Variants in MARCHF3 observed in about 807,000 individuals in gnomAD.
The protein encoded by MARCHF3 is E3 ubiquitin-protein ligase MARCHF3.
MARCHF3 carries 13 observed loss-of-function variants against 24.2 expected under a neutral mutation model. The observed-to-expected ratio is 0.54, with a 90% CI of 0.35 to 0.85. The LOEUF is 0.85. Among genes scored for constraint, MARCHF3 ranks in the 40% least tolerant of loss-of-function variants. The pLI is 0.01. For missense variants in MARCHF3, 276 were observed against 325.0 expected (o/e 0.85, Z 1.16); for synonymous variants, 144 against 137.3 (o/e 1.05, Z -0.34).
intron 3 of MARCHF3, among the ~76,000 whole-genome samples, chr5:126,907,891 A>C (rs966259673): frequency 5.9e-5 from 9 of 151,422 alleles, no homozygotes; most frequent in Admixed American, 5.9e-4. Flanking sequence ...TTTGCTCGTT[A>C]GTTGATGCAG....
intron 3 of MARCHF3, among the ~76,000 whole-genome samples, chr5:126,900,823 T>A (rs1754078488): frequency 6.6e-6 from 1 of 151,786 alleles, no homozygotes; most frequent in Non-Finnish European, 1.5e-5. Flanking sequence ...TGGCTTAGCC[T>A]CTCAAATAGC....
chr5:126,947,023 C>G (rs560616147), intron 1 of MARCHF3, among the ~76,000 whole-genome samples: 1 of 152,202 alleles, frequency 6.6e-6, no homozygotes, highest in African/African-American at 2.4e-5. Context: ...CAAAACATAT[C>G]CAATTTGCCC....
At chr5:126,930,108 G>A (rs1020004270) in intron 1 of MARCHF3, among the ~76,000 whole-genome samples, 31 of 151,778 alleles carry the variant, frequency 2.0e-4, no homozygotes, top group East Asian at 1.2e-3. Context: ...AAAAAAAAAA[G>A]TCAGACCACT....
intron 1 of MARCHF3, among the ~76,000 whole-genome samples, chr5:127,007,390 A>G (rs1344840496): frequency 1.3e-5 from 2 of 151,734 alleles, no homozygotes; most frequent in Admixed American, 1.3e-4. Context: ...CACATATTTA[A>G]TTTAGTAAAG....
chr5:127,013,383 T>G (rs761853540), intron 1 of MARCHF3, among the ~76,000 whole-genome samples: 1 of 152,186 alleles, frequency 6.6e-6, no homozygotes, highest in African/African-American at 2.4e-5. Flanking sequence ...CTACTGTATA[T>G]GAAAACTGCT....
intron 1 of MARCHF3, among the ~76,000 whole-genome samples, chr5:127,015,854 G>A (rs190683969): frequency 3.0e-4 from 45 of 152,194 alleles, no homozygotes; most frequent in Middle Eastern, 3.4e-3. Flanking sequence ...ACTGTGCACC[G>A]TTCTGATGAT....
intron 1 of MARCHF3, among the ~76,000 whole-genome samples, chr5:126,958,958 T>C (rs777939703): frequency 3.9e-5 from 6 of 152,132 alleles, no homozygotes; most frequent in Non-Finnish European, 7.4e-5. Flanking sequence ...TAGTCCACAC[T>C]GCTTTAAATA....
chr5:126,908,292 A>T (rs1754377731), intron 3 of MARCHF3, among the ~76,000 whole-genome samples: 1 of 151,932 alleles, frequency 6.6e-6, no homozygotes, highest in African/African-American at 2.4e-5. Flanking sequence ...TCTGACAATT[A>T]TGTGTCTTGG....
rs186544848 is a variant in MARCHF3 at position 126,887,242 on chromosome 5, A to G, written c.394-8848T>C. 3.4e-3 allele frequency among the ~76,000 whole-genome samples: 510 copies of G among 152,194 alleles called. 2 individuals carry two copies. Among genetic ancestry groups the G allele is most frequent in the African/African-American group, 0.012 (493 of 41,526 alleles). ...ACAGATAGGATTCACAGGATCTATGATTTTGAATGGGAAAAAAAAAATCAC... is the reference window on the plus strand; with the variant it reads ...ACAGATAGGATTCACAGGATCTATGGTTTTGAATGGGAAAAAAAAAATCAC... On this transcript the variant is annotated intron_variant, in intron 3 of 4. Coordinates refer to ENST00000308660, the MANE Select transcript of MARCHF3 (RefSeq NM_178450.5).
chr5:127,003,481 G>A (rs534440129), intron 1 of MARCHF3, among the ~76,000 whole-genome samples: 31 of 151,466 alleles, frequency 2.0e-4, no homozygotes, highest in African/African-American at 5.6e-4. Context: ...GGCCGGCGCG[G>A]TGGCTCACGC....
intron 1 of MARCHF3, among the ~76,000 whole-genome samples, chr5:126,977,082 G>A (rs1177286370): frequency 1.3e-5 from 2 of 152,204 alleles, no homozygotes; most frequent in Admixed American, 1.3e-4. Flanking sequence ...TAATCAGCAC[G>A]TACATGACTG....
chr5:126,959,948 A>G (rs778165639), intron 1 of MARCHF3, among the ~76,000 whole-genome samples: 1 of 152,160 alleles, frequency 6.6e-6, no homozygotes, highest in Non-Finnish European at 1.5e-5. Flanking sequence ...GCACTCAGTT[A>G]TGCTCTAAGA....
rs534875413 is a variant in MARCHF3, at chr5:126,895,621, C to CTCGGGGG, written c.394-17234_394-17228dup. Reference sequence around the variant, plus strand: ...TGGGGGGTGCCTCCCAGTTATGCTGCTCGGGGGTCAGGGGTCAGGGACCCA... The same window carrying CTCGGGGG: ...TGGGGGGTGCCTCCCAGTTATGCTGCTCGGGGGTCGGGGGTCAGGGGTCAGGGACCCA... On this transcript the variant is annotated intron_variant, in intron 3 of 4. Coordinates refer to ENST00000308660, the MANE Select transcript of MARCHF3 (RefSeq NM_178450.5). Among the ~76,000 whole-genome samples, 107 of 152,216 alleles carry CTCGGGGG rather than the reference C, an allele frequency of 7.0e-4. 1 individual carries two copies. In the East Asian group the frequency reaches 0.019, roughly 27 times the overall value.
At chr5:126,896,774 T>C (rs1225537920) in intron 3 of MARCHF3, among the ~76,000 whole-genome samples, 3 of 152,076 alleles carry the variant, frequency 2.0e-5, no homozygotes, top group Non-Finnish European at 4.4e-5. Flanking sequence ...GAGACACTTT[T>C]AGAAAAATCT....
intron 1 of MARCHF3, among the ~76,000 whole-genome samples, chr5:127,025,085 G>A (rs76957092): frequency 0.02 from 3,100 of 152,042 alleles, 75 homozygotes; most frequent in South Asian, 0.12. Flanking sequence ...CCAGCCAAAA[G>A]GAATAAGCCA....
At chr5:126,873,651 TAGC>T (rs1235426374) in intron 4 of MARCHF3, among the ~76,000 whole-genome samples, 1 of 152,228 alleles carries the variant, frequency 6.6e-6, no homozygotes, top group Non-Finnish European at 1.5e-5. Flanking sequence ...GTCAGCGACT[TAGC>T]AGGTCTCCTG....
intron 1 of MARCHF3, among the ~76,000 whole-genome samples, chr5:126,935,058 T>C (rs1428194954): frequency 6.6e-6 from 1 of 152,162 alleles, no homozygotes; most frequent in Non-Finnish European, 1.5e-5. Context: ...GTTCAAATAG[T>C]CACATGTAGC....
At chr5:126,917,865 C>T in intron 2 of MARCHF3, 119 bp downstream of exon 2, 1 of 953,460 alleles carries the variant, frequency 1.0e-6, no homozygotes, top group Non-Finnish European at 1.5e-6. Flanking sequence ...TTTTTTCCAG[C>T]ACCTCCTCTC....
At chr5:127,008,119 A>T (rs1003437154) in intron 1 of MARCHF3, among the ~76,000 whole-genome samples, 15 of 151,950 alleles carry the variant, frequency 9.9e-5, no homozygotes, top group African/African-American at 2.9e-4. Context: ...CTTTGGGTAT[A>T]AAAAAAATGC....
Sources: gnomAD v4.1 joint callset for allele counts (sites outside exome capture counted in the v4.1 genomes callset) on GRCh38, gnomAD v4.1.1 for gene constraint, MANE v1.5 for transcripts, NCBI Gene and HGNC (gene_info 2026-07-23, HGNC 2026-07-21) for gene names.